Variants in RAB3GAP1 observed in about 807,000 individuals in gnomAD.
The protein encoded by RAB3GAP1 is RAB3 GTPase activating protein catalytic subunit 1.
Under a neutral mutation model 130.7 loss-of-function variants are expected in RAB3GAP1, and 86 were observed. The observed-to-expected ratio is 0.66, with a 90% CI of 0.55 to 0.79. The LOEUF (loss-of-function observed/expected upper bound fraction) is 0.79, where lower values mean the gene tolerates loss of function less well. RAB3GAP1 is among the 30% of genes least tolerant of loss of function. The pLI is 0.00. For synonymous variants in RAB3GAP1, 367 were observed against 401.7 expected (o/e 0.91, Z 1.03); for missense variants, 1,029 against 1,169.4 (o/e 0.88, Z 1.75).
intron 3 of RAB3GAP1, among the ~76,000 whole-genome samples, chr2:135,081,654 A>G (rs892220423): frequency 6.6e-6 from 1 of 151,892 alleles, no homozygotes; most frequent in African/African-American, 2.4e-5. Flanking sequence ...TGAAAAATGT[A>G]TGGTTCTAGG....
At chr2:135,095,118 G>A (rs1201398477) in intron 5 of RAB3GAP1, among the ~76,000 whole-genome samples, 2 of 151,940 alleles carry the variant, frequency 1.3e-5, no homozygotes, top group African/African-American at 2.4e-5. Context: ...GCGTGATCTC[G>A]GCTCACTGCA....
At chr2:135,117,819 TTTCTTCTTCTTCTTTC>T (rs1352716659) in intron 7 of RAB3GAP1, among the ~76,000 whole-genome samples, 5 of 120,504 alleles carry the variant, frequency 4.1e-5, no homozygotes, top group African/African-American at 2.0e-4. Flanking sequence ...TTTCTTCTTC[TTTCTTCTTCTTCTTTC>T]TTCTTCTTCT....
chr2:135,132,945 A>G lies in RAB3GAP1; in HGVS notation c.1287A>G (p.Ser429=), dbSNP rs1330136489. The change falls in exon 14 of 24, where the codon TCA becomes TCG. Residue 429 remains serine, a synonymous_variant. Transcript: ENST00000264158. ...VSEKPLDGTT[S]TDNNNPPSES... Reference sequence around the variant, plus strand: ...AGAAACCATTAGATGGAACTACTTCAACAGATAATAATAATCCTCCATCAG... The same window carrying G: ...AGAAACCATTAGATGGAACTACTTCGACAGATAATAATAATCCTCCATCAG... The G allele has an allele frequency of 1.3e-6, 2 of 1,583,118 alleles. No homozygotes were observed. The highest frequency in any genetic ancestry group is 1.7e-6 in the Non-Finnish European group (2 of 1,152,166).
At chr2:135,102,553 A>G (rs1690476400) in intron 5 of RAB3GAP1, among the ~76,000 whole-genome samples, 1 of 152,220 alleles carries the variant, frequency 6.6e-6, no homozygotes. Context: ...CACTGAAAGC[A>G]CAGCTAGGTT....
chr2:135,064,915 ATT>A (rs545377016), intron 3 of RAB3GAP1, among the ~76,000 whole-genome samples: 28 of 138,176 alleles, frequency 2.0e-4, no homozygotes, highest in Admixed American at 2.2e-4. Context: ...TCTGAAGAGT[ATT>A]TTTTTTTTTT....
chr2:135,140,271 T>C (rs1181299025), intron 17 of RAB3GAP1, among the ~76,000 whole-genome samples: 1 of 152,206 alleles, frequency 6.6e-6, no homozygotes, highest in Non-Finnish European at 1.5e-5. Flanking sequence ...AGTAGAGTTA[T>C]TGGGCTATAT....
chr2:135,153,745 G>T lies in RAB3GAP1; in HGVS notation c.2158G>T (p.Val720Leu), dbSNP rs1340422120. Reference protein sequence around the residue: ...EEVIDEKGNVVLKGELSARMK... With the variant: ...EEVIDEKGNVLLKGELSARMK... The stretch of plus-strand genomic sequence containing the variant: ...GGTGATTGATGAAAAGGGCAATGTG[G>T]TGCTGAAAGGAGAACTGAGTGCCCG... Residue 720 changes from valine (V) to leucine (L), a missense_variant, in exon 19 of 24, where the codon GTG becomes TTG. Coordinates refer to ENST00000264158, the MANE Select transcript of RAB3GAP1 (RefSeq NM_012233.3). 1 of 1,613,916 alleles carries T rather than the reference G, an allele frequency of 6.2e-7. No homozygotes were observed. The highest frequency in any genetic ancestry group is 8.5e-7 in the Non-Finnish European group (1 of 1,179,932).
intron 21 of RAB3GAP1, 31 bp downstream of exon 21, chr2:135,162,882 A>G (rs1229049562): frequency 6.3e-7 from 1 of 1,591,908 alleles, no homozygotes; most frequent in Non-Finnish European, 8.6e-7. Context: ...GAATCTTGCC[A>G]AGTGTTCTCC....
chr2:135,102,401 G>T (rs78817541), intron 5 of RAB3GAP1, among the ~76,000 whole-genome samples: 216 of 152,302 alleles, frequency 1.4e-3, no homozygotes, highest in Middle Eastern at 6.8e-3. Flanking sequence ...CTGACCTGCA[G>T]AACTATAAGA....
At chr2:135,115,094 T>C in intron 6 of RAB3GAP1, 122 bp from the exon 7 acceptor site, 1 of 879,936 alleles carries the variant, frequency 1.1e-6, no homozygotes, top group Non-Finnish European at 1.8e-6. Context: ...CCTGTGTTTT[T>C]GTTGTGTTTC....
At chr2:135,171,650 C>T (rs1692858747), downstream of RAB3GAP1, among the ~76,000 whole-genome samples, 1 of 152,122 alleles carries the variant, frequency 6.6e-6, no homozygotes, top group Non-Finnish European at 1.5e-5. Context: ...ATTAGTCCAG[C>T]AAATGTTTAT....
At chr2:135,104,926 C>T (rs973410443) in intron 5 of RAB3GAP1, among the ~76,000 whole-genome samples, 1 of 151,866 alleles carries the variant, frequency 6.6e-6, no homozygotes, top group African/African-American at 2.4e-5. Context: ...ATGGAAACTC[C>T]AGAGTTGAAA....
At chr2:135,102,350 A>T (rs62170170) in intron 5 of RAB3GAP1, among the ~76,000 whole-genome samples, 6,409 of 152,338 alleles carry the variant, frequency 0.042, 159 homozygotes, top group African/African-American at 0.056. Flanking sequence ...ACAGCCTTGC[A>T]GCTACCTTGA....
intron 3 of RAB3GAP1, among the ~76,000 whole-genome samples, chr2:135,081,823 A>G (rs1407238865): frequency 1.3e-5 from 2 of 152,118 alleles, no homozygotes; most frequent in Non-Finnish European, 1.5e-5. Flanking sequence ...ATTGTGATTA[A>G]AAGAGAATCT....
At chr2:135,106,776 T>TAAAAAAAAAAAAAAAAAAAAA (rs1459730758) in intron 5 of RAB3GAP1, among the ~76,000 whole-genome samples, 1 of 79,384 alleles carries the variant, frequency 1.3e-5, no homozygotes, top group Non-Finnish European at 2.8e-5. Flanking sequence ...AATAAAAAAA[T>TAAAAAAAAAAAAAAAAAAAAA]AAAAAAGTAA....
chr2:135,132,993 A>C lies in RAB3GAP1; in HGVS notation c.1326+9A>C, dbSNP rs1355688139. 3 of 1,469,956 alleles carry C rather than the reference A, an allele frequency of 2.0e-6. No homozygotes were observed. 91.1% of individuals were successfully genotyped at this position (1,469,956 alleles called of 1,614,324 possible). Reference sequence around the variant, plus strand: ...CAGAGAGTGAAGACTATGTAAGTTGATGTGGAGTTCAATGTTAAAATGTTT... The same window carrying C: ...CAGAGAGTGAAGACTATGTAAGTTGCTGTGGAGTTCAATGTTAAAATGTTT... On this transcript the variant is annotated intron_variant, in intron 14 of 23. Coordinates refer to ENST00000264158, the MANE Select transcript of RAB3GAP1 (RefSeq NM_012233.3).
At position 135,168,614 on chromosome 2, in the gene RAB3GAP1, T is replaced by C; in HGVS notation, c.2779T>C (p.Ser927Pro). The C allele has an allele frequency of 1.2e-6, 2 of 1,614,164 alleles. No individual in the cohort carries two copies. The highest frequency in any genetic ancestry group is 1.7e-6 in the Non-Finnish European group (2 of 1,180,028). ...CTCCCCAGAGGAAAGAAGGCAGAAC[T>C]CCGTGTCAGACTTCCCACCCCCTGC... ...MGSPEERRQN[S>P]VSDFPPPAGR... Residue 927 changes from serine to proline, a missense_variant, in exon 24 of 24, where the codon TCC becomes CCC. By Grantham distance (74) the Ser-to-Pro change is moderately conservative. Transcript: ENST00000264158.
Position 135,155,775 on chromosome 2 carries a change from ATGAAT to A in RAB3GAP1, c.2289+1901_2289+1905del, listed in dbSNP as rs1406732594. ...AGTAAAAACAAAAGGATGAAAATAA[ATGAAT>A]TAAATTCCTAACTAAAAACCCTAGA... On this transcript the variant is annotated intron_variant, in intron 19 of 23. Transcript: ENST00000264158. 3.3e-5 allele frequency among the ~76,000 whole-genome samples: 5 copies of A among 152,264 alleles called. No individual in the cohort carries two copies. The East Asian group carries it at 9.6e-4, about 29-fold the overall frequency.
At chr2:135,126,978 T>C (rs531818464) in intron 11 of RAB3GAP1, among the ~76,000 whole-genome samples, 2 of 151,336 alleles carry the variant, frequency 1.3e-5, no homozygotes, top group East Asian at 4.0e-4. Flanking sequence ...CGGGTTCAAG[T>C]GATTCTCCTC....
Sources: allele counts gnomAD v4.1 joint callset (sites outside exome capture counted in the v4.1 genomes callset), GRCh38; gene constraint gnomAD v4.1.1; transcripts MANE v1.5; gene names NCBI Gene and HGNC (gene_info 2026-07-23, HGNC 2026-07-21).